The following EDA variants were observed in gnomAD, a reference collection of about 807,000 sequenced individuals.
The protein encoded by EDA is ectodysplasin A, also known as ectodysplasin-A.
In EDA, 2 loss-of-function variants were observed where a neutral mutation model predicts 23.6. The ratio of observed to expected loss-of-function variants is 0.08; its 90% CI spans 0.03 to 0.27. The LOEUF (loss-of-function observed/expected upper bound fraction) is 0.27. Among genes scored for constraint, EDA ranks in the 10% least tolerant of loss-of-function variants. The pLI is 1.00. For synonymous variants in EDA, 131 were observed against 132.0 expected, an observed-to-expected ratio of 0.99 and a Z score of 0.05; for missense variants, 229 against 324.2, an observed-to-expected ratio of 0.71 and a Z score of 2.26.
At chrX:69,838,483 C>G in intron 1 of EDA, among the ~76,000 whole-genome samples, 1 of 111,074 alleles carries the variant, frequency 9.0e-6, no homozygotes, top group Non-Finnish European at 1.9e-5. Flanking sequence ...AAAAATTAGC[C>G]GGGCGTGGTG....
intron 1 of EDA, among the ~76,000 whole-genome samples, chrX:69,878,647 A>G (rs1023293957): frequency 2.7e-5 from 3 of 110,473 alleles, no homozygotes; most frequent in Non-Finnish European, 5.7e-5. Flanking sequence ...GTGCAAGGCC[A>G]TAAGGTTTGC....
chrX:69,773,933 A>G (rs760491687), intron 1 of EDA, among the ~76,000 whole-genome samples: 1 of 111,792 alleles, frequency 8.9e-6, no homozygotes, highest in East Asian at 2.8e-4. Context: ...TTCCATAAAT[A>G]ATCTTTAGTT....
intron 2 of EDA, among the ~76,000 whole-genome samples, chrX:70,021,427 A>G (rs192725036): frequency 1.3e-3 from 147 of 111,998 alleles, no homozygotes; most frequent in African/African-American, 4.5e-3. Context: ...TGTGGTGGCT[A>G]GCTGGCTGAT....
At chrX:70,029,358 A>G in intron 4 of EDA, 146 bp from the exon 5 acceptor site, 1 of 684,790 alleles carries the variant, frequency 1.5e-6, no homozygotes, top group Non-Finnish European at 2.3e-6. Flanking sequence ...GTGCACTCTG[A>G]CTCTTCCTCC....
chrX:70,006,533 C>T (rs1226041203), intron 2 of EDA, among the ~76,000 whole-genome samples: 1 of 111,663 alleles, frequency 9.0e-6, no homozygotes, highest in African/African-American at 3.3e-5. Context: ...GTTGAGGTGT[C>T]TATGCAAGTC....
intron 1 of EDA, among the ~76,000 whole-genome samples, chrX:69,622,281 G>T (rs1176395271): frequency 3.6e-5 from 4 of 111,667 alleles, no homozygotes; most frequent in Non-Finnish European, 7.5e-5. Context: ...TGACATTATT[G>T]ATAATGACAG....
At chrX:70,033,559 A>G (rs771709778) in intron 7 of EDA, 31 bp downstream of exon 7, 13 of 1,207,355 alleles carry the variant, frequency 1.1e-5, no homozygotes, top group Non-Finnish European at 1.5e-5. Context: ...AACTCTTCTT[A>G]TATCCAGAAT....
chrX:70,001,246 AGT>A (rs1260630403), intron 2 of EDA, among the ~76,000 whole-genome samples: 1 of 111,744 alleles, frequency 8.9e-6, no homozygotes, highest in Non-Finnish European at 1.9e-5. Flanking sequence ...AGAAGAATCT[AGT>A]GTGACTCAGG....
At chrX:69,840,966 C>G (rs1485559324) in intron 1 of EDA, among the ~76,000 whole-genome samples, 1 of 112,165 alleles carries the variant, frequency 8.9e-6, no homozygotes, top group African/African-American at 3.2e-5. Context: ...AAAGGTCCCA[C>G]TCTTAATACT....
chrX:69,881,076 A>G (rs1014122044), intron 1 of EDA, among the ~76,000 whole-genome samples: 3 of 112,040 alleles, frequency 2.7e-5, no homozygotes, highest in South Asian at 7.5e-4. Flanking sequence ...AGCCTGACGC[A>G]TCCTGACACC....
intron 1 of EDA, among the ~76,000 whole-genome samples, chrX:69,736,240 G>T (rs1421192083): frequency 9.0e-6 from 1 of 110,915 alleles, no homozygotes; most frequent in African/African-American, 3.3e-5. Context: ...GGGAGGCGGA[G>T]GTTGCAGTGA....
At chrX:69,698,378 G>A (rs112475460) in intron 1 of EDA, among the ~76,000 whole-genome samples, 1,782 of 111,190 alleles carry the variant, frequency 0.016, 44 homozygotes, top group African/African-American at 0.056. Context: ...TTCGGTTGTA[G>A]CTTTTTGAGA....
At chrX:69,825,927 T>C (rs2016416498) in intron 1 of EDA, among the ~76,000 whole-genome samples, 1 of 109,159 alleles carries the variant, frequency 9.2e-6, no homozygotes, top group Non-Finnish European at 1.9e-5. Context: ...TCAAAGAACA[T>C]CTTTATTTCT....
intron 1 of EDA, among the ~76,000 whole-genome samples, chrX:69,923,100 T>G (rs1401514600): frequency 8.9e-6 from 1 of 111,756 alleles, no homozygotes; most frequent in African/African-American, 3.2e-5. Flanking sequence ...TTTTTCCTAT[T>G]CCAATGTGAC....
At chrX:69,668,967 A>G (rs1028536788) in intron 1 of EDA, among the ~76,000 whole-genome samples, 1 of 112,257 alleles carries the variant, frequency 8.9e-6, no homozygotes, top group African/African-American at 3.2e-5. Flanking sequence ...ATTCCTATAT[A>G]TTTATAATTG....
At chrX:69,735,951 G>T (rs2013237410) in intron 1 of EDA, among the ~76,000 whole-genome samples, 1 of 110,383 alleles carries the variant, frequency 9.1e-6, no homozygotes, top group South Asian at 3.9e-4. Context: ...CACCAATCAT[G>T]CCACTGCTCT....
chrX:69,934,617 AT>A (rs1216139379), intron 1 of EDA, among the ~76,000 whole-genome samples: 1 of 110,889 alleles, frequency 9.0e-6, no homozygotes, highest in Non-Finnish European at 1.9e-5. Flanking sequence ...TCATTGTTAA[AT>A]TTTTTTATTT....
At chrX:69,950,591 G>A (rs1462515789) in intron 1 of EDA, among the ~76,000 whole-genome samples, 5 of 53,559 alleles carry the variant, frequency 9.3e-5, no homozygotes, top group African/African-American at 4.1e-4. Flanking sequence ...CCATTACTGG[G>A]TATATACCCA....
At chrX:69,714,411 G>T (rs1340273233) in intron 1 of EDA, among the ~76,000 whole-genome samples, 1 of 111,314 alleles carries the variant, frequency 9.0e-6, no homozygotes, top group Non-Finnish European at 1.9e-5. Flanking sequence ...TTTTGGTAAG[G>T]TCCAATTTAT....
Sources: gnomAD v4.1 joint callset for allele counts (sites outside exome capture counted in the v4.1 genomes callset) on GRCh38, gnomAD v4.1.1 for gene constraint, MANE v1.5 for transcripts, NCBI Gene and HGNC (gene_info 2026-07-23, HGNC 2026-07-21) for gene names.